HHIP: variants seen among roughly 807,000 people sequenced by gnomAD.
HHIP encodes the protein hedgehog-interacting protein.
Under a neutral mutation model 74.0 loss-of-function variants are expected in HHIP, and 12 were observed. That is an observed-to-expected ratio of 0.16 (90% confidence interval 0.10 to 0.26). HHIP has a LOEUF of 0.26. Among genes scored for constraint, HHIP ranks in the 10% least tolerant of loss-of-function variants. The pLI is 1.00. For missense variants in HHIP, 788 were observed against 845.0 expected (o/e 0.93, Z 0.84); for synonymous variants, 309 against 311.6 (o/e 0.99, Z 0.09).
chr4:144,653,145 T>A (rs1728470397), intron 2 of HHIP, among the ~76,000 whole-genome samples: 1 of 152,126 alleles, frequency 6.6e-6, no homozygotes, highest in South Asian at 2.1e-4. Flanking sequence ...AGCTTCAATA[T>A]CAAGGCAGTG....
At chr4:144,659,434 A>G (rs1003705945) in intron 3 of HHIP, among the ~76,000 whole-genome samples, 13 of 152,232 alleles carry the variant, frequency 8.5e-5, no homozygotes, top group Non-Finnish European at 1.2e-4. Flanking sequence ...ACTTTCTGAA[A>G]GAAGGCTGTT....
rs1731238373 is a variant in HHIP at position 144,740,522 on chromosome 4, G to A, written c.*2565G>A. 1 of 152,164 alleles carries A rather than the reference G, an allele frequency of 6.6e-6. No homozygotes were observed. The highest frequency in any genetic ancestry group is 1.5e-5 in the Non-Finnish European group (1 of 68,014). 9.4% of individuals were successfully genotyped at this position (152,164 alleles called of 1,614,324 possible). On this transcript the variant is annotated 3_prime_UTR_variant, in exon 13 of 13. Transcript: ENST00000296575. ...TGGAGTCATTTCTTTCTGTTCTTAGGAGAAAAGTAGATAGCACTGGCTAAT... is the reference window on the plus strand; with the variant it reads ...TGGAGTCATTTCTTTCTGTTCTTAGAAGAAAAGTAGATAGCACTGGCTAAT...
chr4:144,688,451 T>C (rs1297978158), intron 4 of HHIP, among the ~76,000 whole-genome samples: 1 of 152,142 alleles, frequency 6.6e-6, no homozygotes, highest in East Asian at 1.9e-4. Flanking sequence ...TATGCAAGTG[T>C]TGGGGAAAAG....
intron 4 of HHIP, among the ~76,000 whole-genome samples, chr4:144,703,808 T>A (rs1423125458): frequency 1.3e-5 from 2 of 152,150 alleles, no homozygotes; most frequent in African/African-American, 4.8e-5. Context: ...ACCTTAAATA[T>A]CTGGTGGTGT....
At chr4:144,670,163 G>T (rs1427077956) in intron 4 of HHIP, among the ~76,000 whole-genome samples, 1 of 141,920 alleles carries the variant, frequency 7.0e-6, no homozygotes, top group Non-Finnish European at 1.5e-5. Context: ...AGCTGAATTG[G>T]TCCCCCGCAG....
intron 10 of HHIP, among the ~76,000 whole-genome samples, chr4:144,718,166 G>A (rs2087826): frequency 0.49 from 74,677 of 152,052 alleles, 19,265 homozygotes; most frequent in South Asian, 0.72. Context: ...ATCTAGTAGT[G>A]AAGAGGAATT....
intron 4 of HHIP, among the ~76,000 whole-genome samples, chr4:144,665,899 C>A (rs1728847639): frequency 6.6e-6 from 1 of 152,126 alleles, no homozygotes; most frequent in African/African-American, 2.4e-5. Context: ...ACATTAATAT[C>A]TTTATATTTA....
At chr4:144,736,221 C>T (rs1300992823) in intron 12 of HHIP, among the ~76,000 whole-genome samples, 1 of 151,490 alleles carries the variant, frequency 6.6e-6, no homozygotes, top group Admixed American at 6.6e-5. Context: ...CCACAACCTC[C>T]ACCTCCTGGG....
chr4:144,689,827 G>T (rs1340693694), intron 4 of HHIP, among the ~76,000 whole-genome samples: 1 of 150,024 alleles, frequency 6.7e-6, no homozygotes, highest in African/African-American at 2.5e-5. Flanking sequence ...TTATTTTTTT[G>T]AGACGGAGTC....
intron 5 of HHIP, 145 bp from the exon 6 acceptor site, chr4:144,706,942 T>G: frequency 1.3e-6 from 1 of 746,452 alleles, no homozygotes; most frequent in Non-Finnish European, 2.2e-6. Flanking sequence ...TTTCCAGCAA[T>G]TTCTGTTAGC....
At chr4:144,707,845 TC>T (rs1312235151) in intron 6 of HHIP, among the ~76,000 whole-genome samples, 2 of 152,130 alleles carry the variant, frequency 1.3e-5, no homozygotes, top group Non-Finnish European at 2.9e-5. Context: ...CCATTATGGC[TC>T]ACTGTGGCTT....
At chr4:144,735,862 C>T (rs916904220) in intron 12 of HHIP, among the ~76,000 whole-genome samples, 22 of 152,162 alleles carry the variant, frequency 1.4e-4, no homozygotes, top group Admixed American at 1.0e-3. Flanking sequence ...ATATTTTAAA[C>T]TTACATTGCT....
chr4:144,711,284 T>C (rs1009635784), intron 7 of HHIP, among the ~76,000 whole-genome samples: 1 of 152,198 alleles, frequency 6.6e-6, no homozygotes, highest in South Asian at 2.1e-4. Flanking sequence ...CTAGTACTGT[T>C]TTGTGTGGCA....
chr4:144,670,983 C>G (rs1047392486), intron 4 of HHIP, among the ~76,000 whole-genome samples: 2 of 152,022 alleles, frequency 1.3e-5, no homozygotes, highest in African/African-American at 4.8e-5. Context: ...CACAGGTCAC[C>G]AAACATCTGT....
At position 144,655,627 on chromosome 4, in the gene HHIP, T is replaced by G. The variant is rs538543117; in HGVS notation, c.472+2830T>G. On this transcript the variant is annotated intron_variant, in intron 2 of 12. Coordinates refer to ENST00000296575, the MANE Select transcript of HHIP (RefSeq NM_022475.3). ...CCATTCCTAACCCCGGCCAGTTAGC[T>G]TACACATGTGTCTTCTTAGTCCCAA... is the stretch of plus-strand genomic sequence containing the variant. Among the ~76,000 whole-genome samples the G allele has an allele frequency of 6.6e-5, 10 of 152,230 alleles. No homozygotes were observed. In the South Asian group the frequency reaches 2.1e-3, roughly 32 times the overall value.
intron 1 of HHIP, among the ~76,000 whole-genome samples, chr4:144,649,309 G>C (rs369910586): frequency 2.0e-5 from 3 of 151,996 alleles, no homozygotes; most frequent in African/African-American, 7.2e-5. Context: ...CCTACAGGAA[G>C]AAATTTCTTA....
At chr4:144,720,680 G>A (rs1169089887) in intron 11 of HHIP, among the ~76,000 whole-genome samples, 1 of 151,972 alleles carries the variant, frequency 6.6e-6, no homozygotes, top group African/African-American at 2.4e-5. Flanking sequence ...TGGGGGGCCC[G>A]GGTTAAGATT....
At chr4:144,658,558 G>A (rs1469529909) in intron 2 of HHIP, among the ~76,000 whole-genome samples, 15 of 151,716 alleles carry the variant, frequency 9.9e-5, no homozygotes, top group East Asian at 5.8e-4. Flanking sequence ...TAGTAGAGAC[G>A]GGGTTTCGCC....
intron 4 of HHIP, among the ~76,000 whole-genome samples, chr4:144,703,767 C>G (rs1250695936): frequency 6.6e-6 from 1 of 152,152 alleles, no homozygotes; most frequent in African/African-American, 2.4e-5. Flanking sequence ...CGGGCTAGGA[C>G]GGTGTCCTGG....
Sources: allele counts gnomAD v4.1 joint callset (sites outside exome capture counted in the v4.1 genomes callset), GRCh38; gene constraint gnomAD v4.1.1; transcripts MANE v1.5; gene names NCBI Gene and HGNC (gene_info 2026-07-23, HGNC 2026-07-21).